Variants in SKIC3 observed in about 807,000 individuals in gnomAD.
The protein encoded by SKIC3 is superkiller complex protein 3.
chr5:95,484,904 G>A, the SKIC3 span: 1 of 1,581,712 alleles, frequency 6.3e-7, no homozygotes, highest in African/African-American at 1.3e-5. Flanking sequence ...GTTCTTAGAG[G>A]AGTAACTGGT....
chr5:95,476,273 A>G, the SKIC3 span, among the ~76,000 whole-genome samples: 3 of 152,080 alleles, frequency 2.0e-5, no homozygotes, highest in Admixed American at 6.6e-5. Context: ...GGAATGTCCC[A>G]TGGCTCAAGG....
the SKIC3 span, among the ~76,000 whole-genome samples, chr5:95,553,747 C>CG: frequency 9.9e-5 from 15 of 152,236 alleles, no homozygotes; most frequent in East Asian, 2.9e-3. Flanking sequence ...TTCGTAGAGA[C>CG]GGGGTTTCAC....
At chr5:95,498,816 G>A in the SKIC3 span, among the ~76,000 whole-genome samples, 1 of 151,976 alleles carries the variant, frequency 6.6e-6, no homozygotes, top group Non-Finnish European at 1.5e-5. Context: ...TAGTAGAGAC[G>A]GGGTTTCACC....
chr5:95,543,360 T>C, the SKIC3 span: 2 of 1,609,874 alleles, frequency 1.2e-6, no homozygotes, highest in African/African-American at 1.3e-5. Flanking sequence ...AGTAGGTTAG[T>C]AAATTTTCGA....
At chr5:95,532,008 C>T in the SKIC3 span, among the ~76,000 whole-genome samples, 2 of 152,066 alleles carry the variant, frequency 1.3e-5, no homozygotes, top group East Asian at 1.9e-4. Flanking sequence ...AAATCTTCAC[C>T]ATCCTAAAAA....
At chr5:95,540,959 C>A in the SKIC3 span, 1 of 929,312 alleles carries the variant, frequency 1.1e-6, no homozygotes, top group Non-Finnish European at 1.6e-6. Context: ...AGAACCCCAT[C>A]TATTTTATTT....
chr5:95,525,512 G>A, the SKIC3 span: 1 of 1,613,814 alleles, frequency 6.2e-7, no homozygotes, highest in South Asian at 1.1e-5. Flanking sequence ...CTATAAAGTA[G>A]ACACCTGTCA....
chr5:95,541,265 C>T, the SKIC3 span: 1 of 1,594,784 alleles, frequency 6.3e-7, no homozygotes, highest in Non-Finnish European at 8.6e-7. Flanking sequence ...CGCGCCCAGC[C>T]CATCTATTAT....
the SKIC3 span, chr5:95,490,904 T>G: frequency 3.1e-6 from 5 of 1,613,922 alleles, no homozygotes; most frequent in Admixed American, 8.3e-5. Flanking sequence ...TTTTAAAAAC[T>G]TACTTGAAGC....
chr5:95,465,112 G>C, the SKIC3 span, among the ~76,000 whole-genome samples: 16 of 151,746 alleles, frequency 1.1e-4, no homozygotes, highest in Non-Finnish European at 4.4e-5. Flanking sequence ...ATTTTTAGTA[G>C]AGATGGGGTT....
the SKIC3 span, among the ~76,000 whole-genome samples, chr5:95,500,802 T>G: frequency 6.6e-6 from 1 of 152,138 alleles, no homozygotes; most frequent in South Asian, 2.1e-4. Context: ...ATTTAGCAGG[T>G]CTAAGTTTTA....
At chr5:95,475,951 C>T in the SKIC3 span, among the ~76,000 whole-genome samples, 1 of 152,202 alleles carries the variant, frequency 6.6e-6, no homozygotes, top group East Asian at 1.9e-4. Flanking sequence ...ATAGAAAGGA[C>T]CACCTCACCA....
At chr5:95,525,324 A>C in the SKIC3 span, 1 of 1,309,988 alleles carries the variant, frequency 7.6e-7, no homozygotes, top group South Asian at 1.2e-5. Flanking sequence ...CATCAAGCCT[A>C]CTCATTTTGA....
At chr5:95,468,230 T>C in the SKIC3 span, among the ~76,000 whole-genome samples, 1,194 of 152,270 alleles carry the variant, frequency 7.8e-3, 7 homozygotes, top group Non-Finnish European at 0.012. Context: ...CAAAATCTTA[T>C]TAGGTAGGTA....
chr5:95,480,058 AC>A, the SKIC3 span, among the ~76,000 whole-genome samples: 12 of 152,246 alleles, frequency 7.9e-5, 1 homozygote, highest in African/African-American at 2.9e-4. Flanking sequence ...GTAAAAATAA[AC>A]CTTAACTCCT....
chr5:95,537,158 A>C, the SKIC3 span: 1 of 1,597,166 alleles, frequency 6.3e-7, no homozygotes, highest in Non-Finnish European at 8.6e-7. Flanking sequence ...CAAATAAAAA[A>C]GCTATCATCT....
chr5:95,505,773 A>C, the SKIC3 span, among the ~76,000 whole-genome samples: 2 of 151,778 alleles, frequency 1.3e-5, no homozygotes, highest in Non-Finnish European at 2.9e-5. Flanking sequence ...AGATCGCGCC[A>C]CTGCACTCCA....
chr5:95,478,525 A>C, the SKIC3 span: 1 of 1,572,644 alleles, frequency 6.4e-7, no homozygotes, highest in East Asian at 2.2e-5. Context: ...AAATTCAATA[A>C]ACTTTGTCGT....
At chr5:95,550,568 T>C in the SKIC3 span, 180 of 152,362 alleles carry the variant, frequency 1.2e-3, no homozygotes, top group Middle Eastern at 6.8e-3. Context: ...TATTTAGCAT[T>C]GTAGACACTT....
Sources: gnomAD v4.1 joint callset for allele counts (sites outside exome capture counted in the v4.1 genomes callset) on GRCh38, gnomAD v4.1.1 for gene constraint, MANE v1.5 for transcripts, NCBI Gene and HGNC (gene_info 2026-07-23, HGNC 2026-07-21) for gene names.